AP4E1: variants seen among roughly 807,000 people sequenced by gnomAD.
The protein encoded by AP4E1 is AP-4 complex subunit epsilon-1.
A neutral mutation model predicts 128.2 loss-of-function variants in AP4E1; 56 were observed. The observed-to-expected ratio is 0.44, with a 90% CI of 0.35 to 0.55. The LOEUF (loss-of-function observed/expected upper bound fraction) is 0.55, where lower values mean the gene tolerates loss of function less well. Among genes scored for constraint, AP4E1 ranks in the 20% least tolerant of loss-of-function variants. AP4E1 has a pLI of 0.00. For missense variants in AP4E1, 1,324 were observed against 1,307.7 expected, an observed-to-expected ratio of 1.01 and a Z score of -0.19; for synonymous variants, 484 against 473.1, an observed-to-expected ratio of 1.02 and a Z score of -0.30.
intron 3 of AP4E1, among the ~76,000 whole-genome samples, chr15:50,921,680 T>C (rs16963982): frequency 0.17 from 26,024 of 152,142 alleles, 2,453 homozygotes; most frequent in African/African-American, 0.23. Flanking sequence ...AAGTAACTTA[T>C]AGAGCATAGG....
chr15:50,945,333 C>CA lies in AP4E1; in HGVS notation c.1177-2685dup. ...CGTCTGACAGGAATATAGTACTGTA[C>CA]AACATGAGGCAAGCTACTCCTTTGA... On this transcript the variant is annotated intron_variant, in intron 10 of 20. Transcript: ENST00000261842. 6.4e-6 allele frequency: 5 copies of CA among 780,252 alleles called. No homozygotes were observed. The Middle Eastern group carries it at 1.2e-3, about 190-fold the overall frequency. The allele number at this position is 780,252 out of a possible 1,614,324, so 48.3% of individuals were successfully genotyped here.
intron 15 of AP4E1, among the ~76,000 whole-genome samples, chr15:50,969,849 C>A (rs1373764961): frequency 1.3e-5 from 2 of 151,814 alleles, no homozygotes; most frequent in Admixed American, 1.3e-4. Context: ...TTAGTAGAGA[C>A]AGGGTTTCAC....
intron 10 of AP4E1, among the ~76,000 whole-genome samples, chr15:50,947,041 C>T (rs2064071640): frequency 1.3e-5 from 2 of 151,820 alleles, no homozygotes; most frequent in South Asian, 2.1e-4. Context: ...CTTGGTGGCA[C>T]GCTGAGATCC....
At chr15:50,928,230 A>T (rs79933276) in intron 5 of AP4E1, among the ~76,000 whole-genome samples, 7,183 of 152,066 alleles carry the variant, frequency 0.047, 525 homozygotes, top group African/African-American at 0.16. Context: ...TATATATATA[A>T]AAAAGAAACA....
intron 17 of AP4E1, 50 bp from the exon 18 acceptor site, chr15:50,997,276 A>T (rs1204444551): frequency 1.4e-6 from 2 of 1,459,610 alleles, no homozygotes; most frequent in Non-Finnish European, 1.8e-6. Context: ...TTTAAAACTC[A>T]TGACTAGTAG....
In AP4E1 at chr15:50,995,493, C is replaced by T. The variant is rs540614615; in HGVS notation, c.2347-1833C>T. Among the ~76,000 whole-genome samples, 6 of 150,076 alleles carry T rather than the reference C, an allele frequency of 4.0e-5. No individual in the cohort carries two copies. The East Asian group carries it at 6.0e-4, about 15-fold the overall frequency. The stretch of plus-strand genomic sequence containing the variant: ...GCTCACTGCAACCTCCGCCTCAATT[C>T]GCCTGTCTCAGTCTCCCCAGTAGCT... On this transcript the variant is annotated intron_variant, in intron 17 of 20. Transcript: ENST00000261842.
chr15:50,973,044 C>A (rs1290708299), intron 15 of AP4E1, among the ~76,000 whole-genome samples: 1 of 152,154 alleles, frequency 6.6e-6, no homozygotes. Flanking sequence ...GAAAATACGT[C>A]TGTCATGATT....
chr15:50,945,907 A>G lies in AP4E1; in HGVS notation c.1177-2113A>G, dbSNP rs879172436. ...GTGCATCATGAAAGAAGCTCGTCGA[A>G]GAAAGGAAGTGAATCGTATTAAACA... On this transcript the variant is annotated intron_variant, in intron 10 of 20. Transcript: ENST00000261842. The G allele has an allele frequency of 5.0e-6, 6 of 1,197,164 alleles. 1 individual carries two copies. The highest frequency in any genetic ancestry group is 1.7e-5 in the Admixed American group (1 of 57,572). The allele number at this position is 1,197,164 out of a possible 1,614,324, so 74.2% of individuals were successfully genotyped here.
intron 14 of AP4E1, among the ~76,000 whole-genome samples, chr15:50,960,222 C>T (rs778434772): frequency 3.3e-5 from 5 of 151,964 alleles, no homozygotes; most frequent in South Asian, 2.1e-4. Context: ...TCATCTAGAC[C>T]GAAAATCAAC....
chr15:50,997,691 A>T lies in AP4E1; in HGVS notation c.2712A>T (p.Ser904=), dbSNP rs183009636. 1.5e-5 allele frequency: 25 copies of T among 1,614,086 alleles called. No homozygotes were observed. In the Admixed American group the frequency reaches 4.0e-4, roughly 26 times the overall value. ...TTGCCAAGGAAAGCTCTTTAGCTTC[A>T]TCTTTTTTGGAAGAAACTACTGAAT... The part of the protein sequence containing the change: ...ASVAKESSLA[S]SFLEETTEYI... The change falls in exon 18 of 21, where the codon TCA becomes TCT. Residue 904 remains serine, a synonymous_variant. Coordinates refer to ENST00000261842, the MANE Select transcript of AP4E1 (RefSeq NM_007347.5).
intron 1 of AP4E1, among the ~76,000 whole-genome samples, chr15:50,910,513 T>C (rs953576038): frequency 6.6e-6 from 1 of 152,156 alleles, no homozygotes; most frequent in Non-Finnish European, 1.5e-5. Context: ...TACAATGCAA[T>C]AGAAGTGCTA....
chr15:50,988,733 CTA>C (rs968329245), intron 16 of AP4E1, among the ~76,000 whole-genome samples: 2 of 152,100 alleles, frequency 1.3e-5, no homozygotes, highest in African/African-American at 4.8e-5. Context: ...CTGTGAAACT[CTA>C]TTGCTTTCAC....
intron 3 of AP4E1, among the ~76,000 whole-genome samples, chr15:50,921,510 G>A (rs2063702927): frequency 6.6e-6 from 1 of 151,832 alleles, no homozygotes; most frequent in Non-Finnish European, 1.5e-5. Flanking sequence ...CACCACGTCT[G>A]TCTAATTTTT....
rs2063623092 is a variant in AP4E1 at position 50,915,761 on chromosome 15, T to C, written c.346+190T>C. On this transcript the variant is annotated intron_variant, in intron 3 of 20. Coordinates refer to ENST00000261842, the MANE Select transcript of AP4E1 (RefSeq NM_007347.5). ...AAATCAGTTTTCCTGATGCATAGCA[T>C]TTTGGAGTTAAAGAGAAGACTAAAG... 6.1e-6 allele frequency: 4 copies of C among 660,038 alleles called. No homozygotes were observed. The East Asian group carries it at 1.2e-4, about 20-fold the overall frequency. 40.9% of individuals were successfully genotyped at this position (660,038 alleles called of 1,614,324 possible). A position where few individuals can be genotyped will look rare whatever the true frequency, so the allele number is the denominator to read the frequency against.
intron 2 of AP4E1, 27 bp downstream of exon 2, chr15:50,912,176 C>T: frequency 1.3e-6 from 2 of 1,575,006 alleles, no homozygotes; most frequent in Non-Finnish European, 1.7e-6. Context: ...AGTGCCAACA[C>T]ATTTGAATTT....
At chr15:50,981,612 A>AT (rs2140911558) in intron 15 of AP4E1, among the ~76,000 whole-genome samples, 1 of 152,334 alleles carries the variant, frequency 6.6e-6, no homozygotes, top group South Asian at 2.1e-4. Flanking sequence ...TAAGGACATG[A>AT]TTTTGTTGGG....
chr15:50,945,678 T>C, intron 10 of AP4E1: 1 of 783,968 alleles, frequency 1.3e-6, no homozygotes, highest in Admixed American at 1.7e-5. Flanking sequence ...ACAGCAAGTA[T>C]ATTATGTGTG....
chr15:50,953,087 T>C (rs2064173148), intron 13 of AP4E1, among the ~76,000 whole-genome samples: 1 of 152,178 alleles, frequency 6.6e-6, no homozygotes, highest in Non-Finnish European at 1.5e-5. Flanking sequence ...GACCTCCAGA[T>C]CTTTGCATTA....
intron 13 of AP4E1, among the ~76,000 whole-genome samples, chr15:50,951,437 G>T (rs373025561): frequency 5.9e-5 from 9 of 152,172 alleles, no homozygotes; most frequent in African/African-American, 2.2e-4. Flanking sequence ...TTTTTTTCAA[G>T]ACAGAGGTCA....
Sources: allele counts gnomAD v4.1 joint callset (sites outside exome capture counted in the v4.1 genomes callset), GRCh38; gene constraint gnomAD v4.1.1; transcripts MANE v1.5; gene names NCBI Gene and HGNC (gene_info 2026-07-23, HGNC 2026-07-21).